MYOM2: variants seen among roughly 807,000 people sequenced by gnomAD.
The protein encoded by MYOM2 is myomesin-2.
Under a neutral mutation model 187.6 loss-of-function variants are expected in MYOM2, and 254 were observed. The ratio of observed to expected loss-of-function variants is 1.35; its 90% CI spans 1.22 to 1.50. The LOEUF is 1.50. MYOM2 is among the 40% of genes most tolerant of loss of function. The pLI, the probability that MYOM2 is intolerant of heterozygous loss-of-function variation, is 0.00. For synonymous variants in MYOM2, 981 were observed against 753.8 expected (o/e 1.30, Z -4.94); for missense variants, 2,796 against 1,924.0 (o/e 1.45, Z -8.48).
chr8:2,131,167 G>T (rs1453271076), intron 32 of MYOM2, among the ~76,000 whole-genome samples: 1 of 152,172 alleles, frequency 6.6e-6, no homozygotes, highest in African/African-American at 2.4e-5. Context: ...TGACCACACA[G>T]GAAGTGTGTG....
chr8:2,057,878 G>C, intron 5 of MYOM2, 98 bp downstream of exon 5: 1 of 1,310,548 alleles, frequency 7.6e-7, no homozygotes, highest in Non-Finnish European at 1.0e-6. Flanking sequence ...ACCTGTGCTG[G>C]AGGCCACTTA....
chr8:2,066,859 A>G (rs1819035825), intron 6 of MYOM2, among the ~76,000 whole-genome samples: 1 of 152,214 alleles, frequency 6.6e-6, no homozygotes, highest in African/African-American at 2.4e-5. Flanking sequence ...TGATCTGGAA[A>G]TAGGACAGCA....
rs145346282 is a variant in MYOM2 at position 2,144,963 on chromosome 8, C to G, written c.4380C>G (p.Ala1460=). 619 of 1,613,990 alleles carry G rather than the reference C, an allele frequency of 3.8e-4. No individual in the cohort carries two copies. Among genetic ancestry groups the G allele is most frequent in the Non-Finnish European group, 4.5e-4 (528 of 1,180,030 alleles). Residue 1460 remains alanine, a synonymous_variant, in exon 37 of 37, where the codon GCC becomes GCG. Transcript: ENST00000262113. ...QAKPKLIPAS[A]SAAGQ Reference sequence around the variant, plus strand: ...AGCCCAAGCTCATCCCCGCGTCTGCCTCAGCGGCAGGCCAGTGAAGGCGTT... The same window carrying G: ...AGCCCAAGCTCATCCCCGCGTCTGCGTCAGCGGCAGGCCAGTGAAGGCGTT...
chr8:2,098,783 T>C, intron 18 of MYOM2, 74 bp from the exon 19 acceptor site: 2 of 1,448,828 alleles, frequency 1.4e-6, no homozygotes, highest in Admixed American at 2.1e-5. Flanking sequence ...AAGCCAGTTA[T>C]AACAACTCCT....
At chr8:2,047,803 C>T (rs1183550461) in intron 1 of MYOM2, among the ~76,000 whole-genome samples, 2 of 152,228 alleles carry the variant, frequency 1.3e-5, no homozygotes, top group East Asian at 3.8e-4. Flanking sequence ...GTGATCCCAG[C>T]TCTGCCTTGC....
chr8:2,120,689 A>ATATAT, intron 28 of MYOM2, among the ~76,000 whole-genome samples: 6 of 42,386 alleles, frequency 1.4e-4, no homozygotes, highest in African/African-American at 3.8e-4. Flanking sequence ...ATTATATATA[A>ATATAT]ATATATAATA....
intron 11 of MYOM2, among the ~76,000 whole-genome samples, chr8:2,077,979 G>A (rs1819491809): frequency 6.6e-6 from 1 of 152,130 alleles, no homozygotes; most frequent in Non-Finnish European, 1.5e-5. Context: ...ATACTTAGGA[G>A]GAGAGCTGGT....
chr8:2,130,931 G>A lies in MYOM2; in HGVS notation c.3800+1699G>A, dbSNP rs138107466. On this transcript the variant is annotated intron_variant, in intron 32 of 36. Coordinates refer to ENST00000262113, the MANE Select transcript of MYOM2 (RefSeq NM_003970.4). ...AGGAGAATTAATCATCAGCATCTTT[G>A]AGCTTCCTTCTTATTTACAGCATAT... Among the ~76,000 whole-genome samples the A allele has an allele frequency of 3.9e-5, 6 of 152,290 alleles. No homozygotes were observed. In the East Asian group the frequency reaches 1.2e-3, roughly 29 times the overall value.
intron 6 of MYOM2, among the ~76,000 whole-genome samples, chr8:2,064,853 C>A (rs1234310167): frequency 6.6e-6 from 1 of 152,196 alleles, no homozygotes; most frequent in East Asian, 1.9e-4. Flanking sequence ...TTATCCCCTT[C>A]CTGTACCCCT....
intron 14 of MYOM2, among the ~76,000 whole-genome samples, chr8:2,086,468 A>ACACACTGTCGTGATCTCTGCGTGGCCC (rs1796070101): frequency 1.0e-5 from 1 of 95,662 alleles, no homozygotes; most frequent in Admixed American, 9.2e-5. Context: ...CCACGTGGCC[A>ACACACTGTCGTGATCTCTGCGTGGCCC]CACACTGTCA....
chr8:2,108,318 C>T (rs1057333412), intron 23 of MYOM2, among the ~76,000 whole-genome samples: 1 of 149,590 alleles, frequency 6.7e-6, no homozygotes, highest in Admixed American at 6.7e-5. Flanking sequence ...TGGTAATACA[C>T]TATAGTGATG....
chr8:2,045,238 C>T (rs942200320), intron 1 of MYOM2, 70 bp downstream of exon 1: 1 of 152,256 alleles, frequency 6.6e-6, no homozygotes, highest in African/African-American at 2.4e-5. Context: ...CTTCTGCACT[C>T]ACATTTTCTA....
chr8:2,091,751 CT>C (rs1796309970), intron 15 of MYOM2, among the ~76,000 whole-genome samples: 1 of 152,224 alleles, frequency 6.6e-6, no homozygotes, highest in South Asian at 2.1e-4. Flanking sequence ...CCTTCTTGTG[CT>C]TTATGACACA....
intron 32 of MYOM2, among the ~76,000 whole-genome samples, chr8:2,137,144 T>G (rs1460674022): frequency 6.6e-6 from 1 of 151,178 alleles, no homozygotes. Context: ...TGCAATAGTT[T>G]TGGCACATAA....
chr8:2,145,293 G>C lies in MYOM2; in HGVS notation c.*312G>C. 2.0e-6 allele frequency: 1 copy of C among 488,108 alleles called. No homozygotes were observed. Among genetic ancestry groups the C allele is most frequent in the Non-Finnish European group, 3.6e-6 (1 of 277,194 alleles). 30.2% of individuals were successfully genotyped at this position (488,108 alleles called of 1,614,324 possible). ...GTGTGGGCACATGGGTGTGGCACCT[G>C]GACGTGTGCAGCATGTGGCGGTCTG... On this transcript the variant is annotated 3_prime_UTR_variant, in exon 37 of 37. Transcript: ENST00000262113.
At chr8:2,061,841 G>A (rs943736020) in intron 6 of MYOM2, among the ~76,000 whole-genome samples, 19 of 152,230 alleles carry the variant, frequency 1.2e-4, no homozygotes, top group African/African-American at 3.9e-4. Context: ...AGAGCTTGCT[G>A]TGTGCCTGGT....
rs1208111545 is a variant in MYOM2, at chr8:2,076,129, C to A, written c.1121-12C>A. The A allele has an allele frequency of 6.2e-7, 1 of 1,608,584 alleles. No individual in the cohort carries two copies. Among genetic ancestry groups the A allele is most frequent in the Non-Finnish European group, 8.5e-7 (1 of 1,178,252 alleles). ...AATGACAGGCGTGTGCCTTTTCTCTCCCTGCCCCAAGATGCTGACCCGCTG... is the reference window on the plus strand; with the variant it reads ...AATGACAGGCGTGTGCCTTTTCTCTACCTGCCCCAAGATGCTGACCCGCTG... On this transcript the variant is annotated splice_polypyrimidine_tract_variant and intron_variant, in intron 10 of 36. Coordinates refer to ENST00000262113, the MANE Select transcript of MYOM2 (RefSeq NM_003970.4).
chr8:2,049,618 G>A (rs1818419135), intron 1 of MYOM2, among the ~76,000 whole-genome samples: 1 of 152,202 alleles, frequency 6.6e-6, no homozygotes, highest in Non-Finnish European at 1.5e-5. Flanking sequence ...TGGCCTAGGA[G>A]TTCTGTCTTT....
chr8:2,114,925 A>C (rs940263829), intron 25 of MYOM2, among the ~76,000 whole-genome samples: 2 of 152,204 alleles, frequency 1.3e-5, no homozygotes, highest in Non-Finnish European at 1.5e-5. Context: ...CAGAATTACA[A>C]GGAAGAGATG....
Sources: allele counts gnomAD v4.1 joint callset (sites outside exome capture counted in the v4.1 genomes callset), GRCh38; gene constraint gnomAD v4.1.1; transcripts MANE v1.5; gene names NCBI Gene and HGNC (gene_info 2026-07-23, HGNC 2026-07-21).